PRMT2: variants seen among roughly 807,000 people sequenced by gnomAD.
The protein encoded by PRMT2 is protein arginine N-methyltransferase 2.
A neutral mutation model predicts 57.6 loss-of-function variants in PRMT2; 26 were observed. The ratio of observed to expected loss-of-function variants is 0.45; its 90% CI spans 0.33 to 0.63. PRMT2 has a LOEUF of 0.63. Ranked by LOEUF, PRMT2 falls within the 20% of genes least tolerant of loss-of-function variation. The pLI, the probability that PRMT2 is intolerant of heterozygous loss-of-function variation, is 0.02. For missense variants in PRMT2, 472 were observed against 564.4 expected, an observed-to-expected ratio of 0.84 and a Z score of 1.66; for synonymous variants, 219 against 220.0, an observed-to-expected ratio of 1.00 and a Z score of 0.04.
chr21:46,644,315 T>G lies in PRMT2; in HGVS notation c.154T>G (p.Leu52Val). The G allele has an allele frequency of 6.2e-7, 1 of 1,604,054 alleles. No individual in the cohort carries two copies. Among genetic ancestry groups the G allele is most frequent in the Non-Finnish European group, 8.5e-7 (1 of 1,177,226 alleles). The change falls in exon 5 of 12, where the codon TTG becomes GTG. Residue 52 changes from leucine to valine, a missense_variant. Transcript: ENST00000355680. ...ACTTTTTTTTTTCCAGCTCAGTTTTTTGAGAGGAGAAAAAATTCTTATCCT... is the reference window on the plus strand; with the variant it reads ...ACTTTTTTTTTTCCAGCTCAGTTTTGTGAGAGGAGAAAAAATTCTTATCCT... ...AATDETQLSFLRGEKILILRQ... is the reference protein window; with the variant it reads ...AATDETQLSFVRGEKILILRQ...
At chr21:46,655,997 C>G (rs1397519209) in intron 7 of PRMT2, among the ~76,000 whole-genome samples, 1 of 152,132 alleles carries the variant, frequency 6.6e-6, no homozygotes, top group Non-Finnish European at 1.5e-5. Context: ...CACCAAATCT[C>G]ATGTTGAAAT....
intron 5 of PRMT2, among the ~76,000 whole-genome samples, chr21:46,645,684 T>C (rs1344958815): frequency 1.3e-5 from 2 of 152,202 alleles, no homozygotes; most frequent in African/African-American, 4.8e-5. Flanking sequence ...TTATATAAAG[T>C]TAAGAGGCCA....
intron 3 of PRMT2, among the ~76,000 whole-genome samples, chr21:46,640,233 T>C (rs2061247269): frequency 1.3e-5 from 2 of 152,214 alleles, no homozygotes; most frequent in African/African-American, 4.8e-5. Flanking sequence ...ATTATTGCTT[T>C]ACGCTATCGA....
chr21:46,636,265 C>G (rs1425194945), intron 1 of PRMT2, 174 bp from the exon 2 acceptor site: 1 of 152,452 alleles, frequency 6.6e-6, no homozygotes, highest in African/African-American at 2.4e-5. Context: ...GGCCTCCACT[C>G]CGACCCCGTC....
chr21:46,637,067 G>A, intron 3 of PRMT2, 77 bp downstream of exon 3: 1 of 1,488,014 alleles, frequency 6.7e-7, no homozygotes, highest in Non-Finnish European at 9.3e-7. Context: ...TCAGCTCACA[G>A]ATGTGATGGA....
intron 10 of PRMT2, 110 bp downstream of exon 10, chr21:46,662,046 G>A (rs1418076041): frequency 4.6e-6 from 1 of 218,226 alleles, no homozygotes; most frequent in African/African-American, 3.6e-5. Flanking sequence ...GCGGTCGTGG[G>A]GGGGTGGGGC....
chr21:46,663,699 C>A (rs1004943584), intron 11 of PRMT2, 145 bp downstream of exon 11: 2 of 830,384 alleles, frequency 2.4e-6, no homozygotes, highest in Non-Finnish European at 3.7e-6. Flanking sequence ...ACACAGAAAG[C>A]GCCTGTTGTC....
At chr21:46,652,070 C>A (rs2061468592) in intron 7 of PRMT2, 2 of 1,596,056 alleles carry the variant, frequency 1.3e-6, no homozygotes, top group Non-Finnish European at 1.7e-6. Flanking sequence ...ATAGGAGGGG[C>A]AGCTTTCAGT....
At chr21:46,656,539 A>G (rs765398108) in intron 7 of PRMT2, among the ~76,000 whole-genome samples, 2 of 152,226 alleles carry the variant, frequency 1.3e-5, no homozygotes, top group African/African-American at 4.8e-5. Flanking sequence ...AAATATGGTC[A>G]ATGGGTTTTT....
chr21:46,650,863 G>A (rs150718154), intron 7 of PRMT2, among the ~76,000 whole-genome samples: 46 of 152,334 alleles, frequency 3.0e-4, no homozygotes, highest in Admixed American at 5.9e-4. Context: ...CCGTGTTGCC[G>A]TGTTCCAGGG....
chr21:46,661,314 C>T (rs1458712440), intron 9 of PRMT2: 2 of 175,000 alleles, frequency 1.1e-5, no homozygotes, highest in Non-Finnish European at 2.4e-5. Flanking sequence ...TTTTAAGCCA[C>T]TCTTCATGAC....
chr21:46,648,195 C>T lies in PRMT2; in HGVS notation c.328-263C>T. 2.4e-6 allele frequency: 1 copy of T among 408,378 alleles called. No individual in the cohort carries two copies. Among genetic ancestry groups the T allele is most frequent in the Non-Finnish European group, 4.5e-6 (1 of 222,612 alleles). The allele number at this position is 408,378 out of a possible 1,614,324, so 25.3% of individuals were successfully genotyped here. ...TAAGATAAGGACAATATCTCTTTGTCATACATGGTTGTGCACCTTTCTTGT... is the reference window on the plus strand; with the variant it reads ...TAAGATAAGGACAATATCTCTTTGTTATACATGGTTGTGCACCTTTCTTGT... On this transcript the variant is annotated intron_variant, in intron 5 of 11. Coordinates refer to ENST00000355680, the MANE Select transcript of PRMT2 (RefSeq NM_206962.4). This position sits in a 1 kb window ranked among gnomAD's most constrained non-coding sequence, Gnocchi z 4.8.
chr21:46,651,283 G>A (rs535418762), intron 7 of PRMT2, among the ~76,000 whole-genome samples: 2 of 152,286 alleles, frequency 1.3e-5, no homozygotes, highest in South Asian at 2.1e-4. Context: ...TGAGCAGGAC[G>A]GTGCCTCCCA....
At position 46,664,471 on chromosome 21, in the gene PRMT2, T is replaced by C; in HGVS notation, c.*144T>C. 1.8e-6 allele frequency: 2 copies of C among 1,090,690 alleles called. No homozygotes were observed. Among genetic ancestry groups the C allele is most frequent in the Non-Finnish European group, 1.4e-6 (1 of 729,602 alleles). The allele number at this position is 1,090,690 out of a possible 1,614,324, so 67.6% of individuals were successfully genotyped here. A position where few individuals can be genotyped will look rare whatever the true frequency, so the allele number is the denominator to read the frequency against. Reference sequence around the variant, plus strand: ...ATTGACCCCTCCCTAGCCTGGCAGGTGACGTCAGGGTCCTTCACAGACAAA... The same window carrying C: ...ATTGACCCCTCCCTAGCCTGGCAGGCGACGTCAGGGTCCTTCACAGACAAA... On this transcript the variant is annotated 3_prime_UTR_variant, in exon 12 of 12. Coordinates refer to ENST00000355680, the MANE Select transcript of PRMT2 (RefSeq NM_206962.4).
At chr21:46,661,587 G>A in intron 9 of PRMT2, 1 of 390,766 alleles carries the variant, frequency 2.6e-6, no homozygotes, top group Non-Finnish European at 4.4e-6. Flanking sequence ...GTAGAAAATT[G>A]GGCGCAAGAA....
intron 7 of PRMT2, among the ~76,000 whole-genome samples, chr21:46,654,527 G>A (rs1214367416): frequency 1.3e-5 from 2 of 152,174 alleles, no homozygotes; most frequent in African/African-American, 2.4e-5. Flanking sequence ...AGTAGCAATC[G>A]ACTGGTGAAG....
chr21:46,652,011 G>A (rs1324773649), intron 7 of PRMT2: 11 of 1,613,162 alleles, frequency 6.8e-6, no homozygotes, highest in Non-Finnish European at 9.3e-6. Context: ...CTCTGACGCT[G>A]ACATGTAGTA....
At position 46,648,350 on chromosome 21, in the gene PRMT2, G is replaced by A. The variant is rs1343419948; in HGVS notation, c.328-108G>A. The A allele has an allele frequency of 4.3e-6, 5 of 1,166,482 alleles. No individual in the cohort carries two copies. In the African/African-American group the frequency reaches 6.1e-5, roughly 14 times the overall value. The allele number at this position is 1,166,482 out of a possible 1,614,324, so 72.3% of individuals were successfully genotyped here. A position where few individuals can be genotyped will look rare whatever the true frequency, so the allele number is the denominator to read the frequency against. ...AGGCCTTCCATAGTCTTCCATAGGG[G>A]TGTTGGGGTCAGGGGTCATCAGCTG... is the stretch of plus-strand genomic sequence containing the variant. On this transcript the variant is annotated intron_variant, in intron 5 of 11. Coordinates refer to ENST00000355680, the MANE Select transcript of PRMT2 (RefSeq NM_206962.4). The surrounding 1 kb of genome is among the most constrained non-coding windows in gnomAD (Gnocchi z 4.8).
In PRMT2 at chr21:46,643,568, C is replaced by T. The variant is rs771733066; in HGVS notation, c.73C>T (p.Leu25Phe). The change falls in exon 4 of 12, where the codon CTC becomes TTC. Residue 25 changes from leucine (L) to phenylalanine (F), a missense_variant. This residue lies in a region of PRMT2 where 243 missense variants were observed against 347.2 expected (regional missense o/e 0.70). Coordinates refer to ENST00000355680, the MANE Select transcript of PRMT2 (RefSeq NM_206962.4). Reference sequence around the variant, plus strand: ...GCCTGCTGAGTGCAGTGAGGCCGGTCTCCTGCAGGAGGGAGTACAGCCAGA... The same window carrying T: ...GCCTGCTGAGTGCAGTGAGGCCGGTTTCCTGCAGGAGGGAGTACAGCCAGA... ...EEPAECSEAGLLQEGVQPEEF... is the reference protein window; with the variant it reads ...EEPAECSEAGFLQEGVQPEEF... The T allele has an allele frequency of 6.2e-7, 1 of 1,607,022 alleles. No individual in the cohort carries two copies. Among genetic ancestry groups the T allele is most frequent in the East Asian group, 2.3e-5 (1 of 44,124 alleles).
Sources: allele counts gnomAD v4.1 joint callset (sites outside exome capture counted in the v4.1 genomes callset), GRCh38; gene constraint gnomAD v4.1.1; regional missense constraint gnomAD v4.1.1; non-coding constraint Gnocchi (gnomAD v3.1); transcripts MANE v1.5; gene names NCBI Gene and HGNC (gene_info 2026-07-23, HGNC 2026-07-21).